CLDN18: variants seen among roughly 807,000 people sequenced by gnomAD.
CLDN18 encodes claudin 18.
A neutral mutation model predicts 25.0 loss-of-function variants in CLDN18; 20 were observed. The observed-to-expected ratio is 0.80, with a 90% CI of 0.56 to 1.16. The LOEUF is 1.16. CLDN18 is among the 50% of genes most tolerant of loss of function. CLDN18 has a pLI of 0.00. For missense variants in CLDN18, 297 were observed against 345.4 expected (o/e 0.86, Z 1.11); for synonymous variants, 125 against 135.6 (o/e 0.92, Z 0.54).
intron 1 of CLDN18, among the ~76,000 whole-genome samples, 174 bp downstream of exon 1, chr3:138,010,619 C>A (rs1280513350): frequency 1.3e-5 from 2 of 152,154 alleles, no homozygotes; most frequent in Admixed American, 1.3e-4. Context: ...AACAGTCATG[C>A]AGGAGAAAAT....
At chr3:138,006,743 A>T (rs773509792), upstream of CLDN18, among the ~76,000 whole-genome samples, 10 of 152,228 alleles carry the variant, frequency 6.6e-5, no homozygotes, top group Non-Finnish European at 1.3e-4. Flanking sequence ...TTTAAAACAC[A>T]TCAGTATTTA....
intron 1 of CLDN18, among the ~76,000 whole-genome samples, chr3:138,002,621 A>G (rs1942030694): frequency 6.6e-6 from 1 of 152,216 alleles, no homozygotes; most frequent in African/African-American, 2.4e-5. Context: ...CATTGAAATG[A>G]AAGTATGGAA....
chr3:138,008,342 G>A (rs887144688), upstream of CLDN18, among the ~76,000 whole-genome samples: 9 of 152,176 alleles, frequency 5.9e-5, no homozygotes, highest in South Asian at 2.1e-4. Flanking sequence ...AGTGGCTCAC[G>A]CCTGCAATCC....
At position 138,024,883 on chromosome 3, in the gene CLDN18, A is replaced by G. The variant is rs189888429; in HGVS notation, c.503+159A>G. Among the ~76,000 whole-genome samples, 414 of 152,386 alleles carry G rather than the reference A, an allele frequency of 2.7e-3. 6 individuals are homozygous for G. Among genetic ancestry groups the G allele is most frequent in the Admixed American group, 0.024 (370 of 15,308 alleles). ...TAAATCAACAATCACCTGTAAATTCATAAACTTCATTTCAGTGAAATATCC... is the reference window on the plus strand; with the variant it reads ...TAAATCAACAATCACCTGTAAATTCGTAAACTTCATTTCAGTGAAATATCC... On this transcript the variant is annotated intron_variant, in intron 3 of 4. Transcript: ENST00000183605.
intron 1 of CLDN18, among the ~76,000 whole-genome samples, chr3:137,999,259 T>C (rs1363120051): frequency 6.6e-6 from 1 of 152,140 alleles, no homozygotes; most frequent in Non-Finnish European, 1.5e-5. Context: ...ACGGGAACCT[T>C]AGGGAGAGGA....
rs151212362 is a variant in CLDN18 at position 138,002,438 on chromosome 3, T to A, written c.220+3350T>A. On this transcript the variant is annotated intron_variant, in intron 1 of 4. Coordinates refer to the CLDN18 transcript ENST00000343735. ...AGCGTGCAGGCATTTGAGTTTGGAG[T>A]TCCCCCAATTCTGTTTTCTGTTTAA... Among the ~76,000 whole-genome samples, 885 of 152,178 alleles carry A rather than the reference T, an allele frequency of 5.8e-3. 9 individuals carry two copies. Among genetic ancestry groups the A allele is most frequent in the East Asian group, 0.034 (176 of 5,182 alleles).
rs939773412 is a variant in CLDN18 at position 138,010,400 on chromosome 3, G to A, written c.175G>A (p.Gly59Ser). 1 of 1,614,208 alleles carries A rather than the reference G, an allele frequency of 6.2e-7. No homozygotes were observed. The highest frequency in any genetic ancestry group is 8.5e-7 in the Non-Finnish European group (1 of 1,180,038). ...GAGGAGCTGCGTGAGGCAGAGTTCA[G>A]GCTTCACCGAATGCAGGCCCTATTT... ...LWRSCVRQSS[G>S]FTECRPYFTI... Residue 59 changes from glycine (G) to serine (S), a missense_variant, in exon 1 of 5, where the codon GGC becomes AGC. Transcript: ENST00000183605.
At chr3:138,004,488 A>G (rs1031870181) in intron 1 of CLDN18, among the ~76,000 whole-genome samples, 1 of 152,172 alleles carries the variant, frequency 6.6e-6, no homozygotes, top group African/African-American at 2.4e-5. Flanking sequence ...TAATAAAGTG[A>G]TGGGCTAACG....
chr3:138,005,516 G>A (rs919105636), upstream of CLDN18, among the ~76,000 whole-genome samples: 1 of 151,810 alleles, frequency 6.6e-6, no homozygotes, highest in Admixed American at 6.6e-5. Context: ...GTGTTAGTTT[G>A]CTGAGAATGG....
chr3:138,003,070 C>T (rs771501051), intron 1 of CLDN18, among the ~76,000 whole-genome samples: 1 of 152,164 alleles, frequency 6.6e-6, no homozygotes, highest in Non-Finnish European at 1.5e-5. Flanking sequence ...ACAGTCTCAA[C>T]GTCAGCCCTA....
chr3:138,012,624 A>G (rs905876693), intron 1 of CLDN18, among the ~76,000 whole-genome samples: 3 of 152,178 alleles, frequency 2.0e-5, no homozygotes, highest in Non-Finnish European at 4.4e-5. Flanking sequence ...TTGAATAAAG[A>G]TTCCACAAGT....
At chr3:138,002,125 C>G (rs1001468002) in intron 1 of CLDN18, among the ~76,000 whole-genome samples, 2 of 152,094 alleles carry the variant, frequency 1.3e-5, no homozygotes, top group Non-Finnish European at 2.9e-5. Context: ...GTAATCATGC[C>G]TCACACTTAG....
chr3:138,011,439 C>T (rs1046708055), intron 1 of CLDN18, among the ~76,000 whole-genome samples: 11 of 152,156 alleles, frequency 7.2e-5, no homozygotes, highest in African/African-American at 2.7e-4. Context: ...AGATGGGTGT[C>T]AGAGTAGAAG....
At chr3:138,019,277 CT>C (rs1559806275) in intron 1 of CLDN18, among the ~76,000 whole-genome samples, 2 of 152,194 alleles carry the variant, frequency 1.3e-5, no homozygotes, top group African/African-American at 4.8e-5. Flanking sequence ...TACAAACGAC[CT>C]CTGTGTCGAT....
chr3:137,999,078 G>A (rs1234241064), exon 1 of CLDN18: 1 of 1,614,000 alleles, frequency 6.2e-7, no homozygotes, highest in Non-Finnish European at 8.5e-7. Flanking sequence ...TCACCCTGCT[G>A]GGGCTGCCAG....
At chr3:138,012,810 G>A (rs537839244) in intron 1 of CLDN18, among the ~76,000 whole-genome samples, 20 of 152,342 alleles carry the variant, frequency 1.3e-4, no homozygotes, top group African/African-American at 4.1e-4. Context: ...GAATATCAAA[G>A]CAAAGGCAAC....
intron 1 of CLDN18, among the ~76,000 whole-genome samples, chr3:138,003,203 G>C (rs1286183311): frequency 6.6e-6 from 1 of 152,120 alleles, no homozygotes; most frequent in East Asian, 1.9e-4. Context: ...ACCCACACCA[G>C]TTATGGCAAC....
intron 1 of CLDN18, among the ~76,000 whole-genome samples, chr3:138,003,565 C>T (rs775706013): frequency 4.6e-5 from 7 of 152,058 alleles, no homozygotes; most frequent in African/African-American, 4.8e-5. Context: ...ATACGTTAAA[C>T]GCTTAAGAAT....
intron 1 of CLDN18, among the ~76,000 whole-genome samples, chr3:138,004,391 G>A (rs1054154162): frequency 3.3e-4 from 50 of 152,162 alleles, no homozygotes; most frequent in African/African-American, 1.1e-3. Flanking sequence ...TCAAAATACC[G>A]GCAAGAGTTT....
Sources: gnomAD v4.1 joint callset for allele counts (sites outside exome capture counted in the v4.1 genomes callset) on GRCh38, gnomAD v4.1.1 for gene constraint, MANE v1.5 for transcripts, NCBI Gene and HGNC (gene_info 2026-07-23, HGNC 2026-07-21) for gene names.